Variants in MOV10L1 observed in about 807,000 individuals in gnomAD.
MOV10L1 encodes RNA helicase Mov10l1.
MOV10L1 carries 110 observed loss-of-function variants against 143.8 expected under a neutral mutation model. That is an observed-to-expected ratio of 0.76 (90% CI 0.66 to 0.90). The LOEUF (loss-of-function observed/expected upper bound fraction) is 0.90, where lower values mean the gene tolerates loss of function less well. MOV10L1 is among the 40% of genes least tolerant of loss of function. The pLI is 0.00. For missense variants in MOV10L1, 1,406 were observed against 1,526.8 expected (o/e 0.92, Z 1.32); for synonymous variants, 593 against 581.1 (o/e 1.02, Z -0.29).
rs147687262 is a variant in MOV10L1, at chr22:50,095,862, T to C, written c.283-3581T>C. 2.3e-3 allele frequency: 352 copies of C among 152,216 alleles called. 4 individuals carry two copies. The highest frequency in any genetic ancestry group is 7.9e-3 in the African/African-American group (327 of 41,530). 9.4% of individuals were successfully genotyped at this position (152,216 alleles called of 1,614,324 possible). ...CAATCTTGCTTTTATAAATTAGTAA[T>C]GGATTTTTCAAGTACTTTTCAGTAT... On this transcript the variant is annotated intron_variant, in intron 2 of 26. Coordinates refer to ENST00000262794, the MANE Select transcript of MOV10L1 (RefSeq NM_018995.3).
In MOV10L1 at chr22:50,133,506, C is replaced by CT. The variant is rs36106482; in HGVS notation, c.1911-491dup. Among the ~76,000 whole-genome samples the CT allele has an allele frequency of 3.1e-3, 447 of 144,186 alleles. 2 individuals are homozygous for CT. Among genetic ancestry groups the CT allele is most frequent in the African/African-American group, 7.4e-3 (292 of 39,278 alleles). 94.6% of individuals were successfully genotyped at this position (144,186 alleles called of 152,430 possible). On this transcript the variant is annotated intron_variant, in intron 13 of 26. Transcript: ENST00000262794. ...AATGGGTGTGGGATTTTGTCCCATG[C>CT]TTTTTTTTTTGGCTTCTTTGGTATT... is the stretch of plus-strand genomic sequence containing the variant.
chr22:50,156,753 T>A (rs9617108), intron 22 of MOV10L1, among the ~76,000 whole-genome samples: 19,511 of 152,260 alleles, frequency 0.13, 1,510 homozygotes, highest in Admixed American at 0.21. Context: ...TACACCATAC[T>A]TGGCGTATCA....
intron 2 of MOV10L1, chr22:50,096,416 A>G (rs2062590457): frequency 1.3e-5 from 2 of 152,218 alleles, no homozygotes; most frequent in African/African-American, 4.8e-5. Flanking sequence ...GGTTGTTTCT[A>G]CTTTTTGGTT....
At position 50,117,269 on chromosome 22, in the gene MOV10L1, G is replaced by T. The variant is rs750638120; in HGVS notation, c.1372G>T (p.Glu458Ter). Reference protein sequence around the residue: ...SGEESLIAAREPFSWKKLKSS... With the variant: ...SGEESLIAAR ...GGAGGAGTCACTAATTGCTGCGCGC[G>T]AACCATTTTCTTGGAAAAAGCTTAA... is the stretch of plus-strand genomic sequence containing the variant. Residue 458 changes from glutamate (E) to a stop codon, truncating the protein, a stop_gained, in exon 9 of 27, where the codon GAA (glutamate) becomes TAA (stop). Transcript: ENST00000262794. LOFTEE classifies it high-confidence loss of function. 6.2e-7 allele frequency: 1 copy of T among 1,614,062 alleles called. No individual in the cohort carries two copies. The highest frequency in any genetic ancestry group is 1.7e-5 in the Admixed American group (1 of 60,010).
intron 15 of MOV10L1, among the ~76,000 whole-genome samples, chr22:50,138,428 C>G (rs1173934588): frequency 6.6e-6 from 1 of 151,916 alleles, no homozygotes; most frequent in Admixed American, 6.6e-5. Context: ...CATGGTGGCA[C>G]ACACCTGTAG....
Position 50,158,045 on chromosome 22 carries a change from T to C in MOV10L1, c.3067-12T>C, listed in dbSNP as rs752524778. On this transcript the variant is annotated splice_polypyrimidine_tract_variant and intron_variant, in intron 22 of 26. Transcript: ENST00000262794. The surrounding 1 kb of genome is among the most constrained non-coding windows in gnomAD (Gnocchi z 5.0). ...ATGAAGTAAAGTAGGTTTTCTCTCC[T>C]CATCAACCCAGGGCAGCGAGGCACG... 5.0e-6 allele frequency: 8 copies of C among 1,607,428 alleles called. No homozygotes were observed. In the South Asian group the frequency reaches 8.8e-5, roughly 18 times the overall value.
chr22:50,145,944 A>G (rs558893229), intron 19 of MOV10L1, 134 bp downstream of exon 19: 6 of 1,390,304 alleles, frequency 4.3e-6, no homozygotes, highest in Admixed American at 4.0e-5. Flanking sequence ...TGGGCGAGAA[A>G]GGCTGGTTGG....
At chr22:50,101,598 A>ACCT (rs917751923) in intron 3 of MOV10L1, among the ~76,000 whole-genome samples, 19 of 137,734 alleles carry the variant, frequency 1.4e-4, no homozygotes, top group African/African-American at 5.2e-4. Flanking sequence ...TGTAACCTCC[A>ACCT]CCTCCTGGAT....
chr22:50,098,930 G>A (rs1377345572), intron 2 of MOV10L1, among the ~76,000 whole-genome samples: 1 of 152,138 alleles, frequency 6.6e-6, no homozygotes, highest in African/African-American at 2.4e-5. Flanking sequence ...AGATCATCGT[G>A]ATTTTTTCCC....
rs747333113 is a variant in MOV10L1, at chr22:50,090,530, C to G, written c.97+345C>G. On this transcript the variant is annotated intron_variant, in intron 1 of 26. Transcript: ENST00000262794. ...TGGCGGTGGTGTGTCTAGAAAGCCC[C>G]GAAAAACGCGGCCCCGCAGACTTGG... 1.2e-5 allele frequency: 20 copies of G among 1,605,218 alleles called. No individual in the cohort carries two copies. The South Asian group carries it at 1.6e-4, about 13-fold the overall frequency.
intron 19 of MOV10L1, 161 bp from the exon 20 acceptor site, chr22:50,149,454 C>T (rs1443306680): frequency 3.2e-6 from 2 of 625,446 alleles, no homozygotes; most frequent in Non-Finnish European, 5.6e-6. Context: ...GTGGCCTGTC[C>T]TCCCTCCAGC....
chr22:50,154,299 G>A (rs1374017804), intron 22 of MOV10L1, among the ~76,000 whole-genome samples: 9 of 152,272 alleles, frequency 5.9e-5, no homozygotes, highest in East Asian at 1.9e-4. Context: ...GGGCTCACCT[G>A]TAACCCCAGC....
chr22:50,108,785 G>A lies in MOV10L1; in HGVS notation c.684G>A (p.Val228=). ...GTGACGTGGTCAATGCAGTGGTGGT[G>A]GAGAGCAGCCAGTCATGCTATGTCT... ...RRGDVVNAVV[V]ESSQSCYVWR... is the part of the protein sequence containing the mutation. The change falls in exon 5 of 27, where the codon GTG becomes GTA. Residue 228 remains valine (V), a synonymous_variant. Coordinates refer to ENST00000262794, the MANE Select transcript of MOV10L1 (RefSeq NM_018995.3). 2 of 1,614,234 alleles carry A rather than the reference G, an allele frequency of 1.2e-6. No individual in the cohort carries two copies. Among genetic ancestry groups the A allele is most frequent in the Non-Finnish European group, 1.7e-6 (2 of 1,180,048 alleles).
intron 13 of MOV10L1, among the ~76,000 whole-genome samples, chr22:50,133,033 T>TG (rs755999803): frequency 7.2e-6 from 1 of 138,684 alleles, no homozygotes; most frequent in Non-Finnish European, 1.6e-5. Context: ...AGCCTCCGTC[T>TG]GAAAAAAAAA....
intron 5 of MOV10L1, among the ~76,000 whole-genome samples, chr22:50,113,388 C>T (rs2062075031): frequency 6.6e-6 from 1 of 152,218 alleles, no homozygotes; most frequent in Non-Finnish European, 1.5e-5. Context: ...TGCTGGGGAG[C>T]ACGTTCAGGA....
In MOV10L1 at chr22:50,092,183, AG is replaced by A; in HGVS notation, c.282+1del. ...NKVSNGLKAI[R>X]VEAVSDKWED... The stretch of plus-strand genomic sequence containing the variant: ...AGTGTCCAATGGACTGAAAGCAATC[AG>A]GGTAAGGTTTGAGTTCATTTGGGAA... On this transcript the variant is annotated frameshift_variant and splice_region_variant, in exon 2 of 27. Transcript: ENST00000262794. LOFTEE classifies it high-confidence loss of function. 1.2e-6 allele frequency: 2 copies of A among 1,612,024 alleles called. No homozygotes were observed. Among genetic ancestry groups the A allele is most frequent in the Non-Finnish European group, 1.7e-6 (2 of 1,179,076 alleles).
At position 50,149,768 on chromosome 22, in the gene MOV10L1, G is replaced by A. The variant is rs1171483091; in HGVS notation, c.2727+54G>A. The stretch of plus-strand genomic sequence containing the variant: ...TCCTCCTCACCCCGTTCTCCTGAGG[G>A]GATGCAGGCTGCGATCCTGCCGGGA... On this transcript the variant is annotated intron_variant, in intron 20 of 26. Transcript: ENST00000262794. 3.3e-6 allele frequency: 5 copies of A among 1,509,192 alleles called. No individual in the cohort carries two copies. In the East Asian group the frequency reaches 6.9e-5, roughly 21 times the overall value. 93.5% of individuals were successfully genotyped at this position (1,509,192 alleles called of 1,614,324 possible).
intron 22 of MOV10L1, among the ~76,000 whole-genome samples, chr22:50,155,093 G>C (rs1476753494): frequency 6.6e-6 from 1 of 151,974 alleles, no homozygotes; most frequent in African/African-American, 2.4e-5. Context: ...TCATTGAATT[G>C]TTTCTCAGTT....
At chr22:50,110,822 TC>T (rs1265130748) in intron 5 of MOV10L1, among the ~76,000 whole-genome samples, 3 of 152,034 alleles carry the variant, frequency 2.0e-5, no homozygotes, top group African/African-American at 7.2e-5. Flanking sequence ...TCCCAGCTAC[TC>T]TGGAGGCTGA....
Sources: allele counts gnomAD v4.1 joint callset (sites outside exome capture counted in the v4.1 genomes callset), GRCh38; gene constraint gnomAD v4.1.1; non-coding constraint Gnocchi (gnomAD v3.1); transcripts MANE v1.5; gene names NCBI Gene and HGNC (gene_info 2026-07-23, HGNC 2026-07-21).